STK3: variants seen among roughly 807,000 people sequenced by gnomAD.
STK3 encodes serine/threonine kinase 3.
In STK3, 41 loss-of-function variants were observed where a neutral mutation model predicts 58.0. The ratio of observed to expected loss-of-function variants is 0.71; its 90% CI spans 0.55 to 0.92. STK3 has a LOEUF of 0.92. STK3 is among the 40% of genes least tolerant of loss of function. The pLI, the probability that STK3 is intolerant of heterozygous loss-of-function variation, is 0.00. For missense variants in STK3, 479 were observed against 602.7 expected (o/e 0.79, Z 2.15); for synonymous variants, 170 against 191.0 (o/e 0.89, Z 0.91).
chr8:98,513,220 C>T lies in STK3; in HGVS notation c.1317+13522G>A, dbSNP rs192986060. Among the ~76,000 whole-genome samples the T allele has an allele frequency of 1.7e-3, 256 of 152,200 alleles. 2 individuals are homozygous for T. Among genetic ancestry groups the T allele is most frequent in the African/African-American group, 5.8e-3 (240 of 41,538 alleles). ...GAAGACAGCCACCAACCAAATGGGG[C>T]CAAATCGCCAACCTTGAGTTTACTC... On this transcript the variant is annotated intron_variant, in intron 10 of 10. Transcript: ENST00000419617.
At chr8:98,744,463 C>A (rs1181184706) in intron 4 of STK3, among the ~76,000 whole-genome samples, 1 of 151,366 alleles carries the variant, frequency 6.6e-6, no homozygotes, top group Non-Finnish European at 1.5e-5. Context: ...TCATCATTCT[C>A]AGTAAAGTAT....
chr8:98,414,969 C>T (rs544240841), intron 3 of STK3, among the ~76,000 whole-genome samples: 4 of 152,220 alleles, frequency 2.6e-5, no homozygotes, highest in South Asian at 2.1e-4. Context: ...TGAATTTGTC[C>T]CCCAAAATTC....
chr8:98,933,804 T>A (rs1023778530), intron 1 of STK3, among the ~76,000 whole-genome samples: 2 of 152,122 alleles, frequency 1.3e-5, no homozygotes, highest in Admixed American at 1.3e-4. Flanking sequence ...CCACCCTCCT[T>A]CCATACCTAT....
At chr8:98,823,689 GTTGTTTTTGTT>G (rs1835058253) in intron 1 of STK3, among the ~76,000 whole-genome samples, 3 of 152,124 alleles carry the variant, frequency 2.0e-5, no homozygotes, top group South Asian at 2.1e-4. Context: ...ATTATCTTTT[GTTGTTTTTGTT>G]TTGTTTTTGT....
intron 1 of STK3, chr8:98,889,888 T>C (rs1220256292): frequency 6.6e-6 from 1 of 152,234 alleles, no homozygotes; most frequent in Non-Finnish European, 1.5e-5. Flanking sequence ...ATTATCTACA[T>C]GGTCAATTCC....
intron 6 of STK3, among the ~76,000 whole-genome samples, chr8:98,666,525 C>T (rs946655020): frequency 6.6e-6 from 1 of 152,058 alleles, no homozygotes; most frequent in African/African-American, 2.4e-5. Flanking sequence ...TTTCTTAATA[C>T]ACAAGGCAAA....
chr8:98,636,003 C>T (rs1174620443), intron 6 of STK3, among the ~76,000 whole-genome samples: 1 of 152,028 alleles, frequency 6.6e-6, no homozygotes, highest in Non-Finnish European at 1.5e-5. Context: ...TTTTTTTATG[C>T]TTTCCCTAAT....
At chr8:98,731,293 G>A (rs992625969) in intron 4 of STK3, among the ~76,000 whole-genome samples, 8 of 152,060 alleles carry the variant, frequency 5.3e-5, no homozygotes, top group African/African-American at 1.9e-4. Flanking sequence ...TTTCACGGAA[G>A]CTGTAAAGAA....
chr8:98,655,606 C>G (rs1348712787), intron 6 of STK3, among the ~76,000 whole-genome samples: 2 of 151,454 alleles, frequency 1.3e-5, no homozygotes, highest in East Asian at 3.9e-4. Flanking sequence ...GGCTAATATC[C>G]AGAATCTATA....
At chr8:98,920,137 C>A (rs1839500664) in intron 1 of STK3, among the ~76,000 whole-genome samples, 1 of 152,182 alleles carries the variant, frequency 6.6e-6, no homozygotes, top group African/African-American at 2.4e-5. Flanking sequence ...CCCAGGCCAG[C>A]CCTGCTCATA....
intron 1 of STK3, among the ~76,000 whole-genome samples, chr8:98,784,402 A>G (rs1315122675): frequency 8.5e-5 from 13 of 152,216 alleles, no homozygotes; most frequent in Admixed American, 8.5e-4. Context: ...CTGGACAACC[A>G]GACTTCAAGC....
At chr8:98,863,976 C>G (rs1329750152) in intron 3 of STK3, among the ~76,000 whole-genome samples, 1 of 151,944 alleles carries the variant, frequency 6.6e-6, no homozygotes, top group Admixed American at 6.6e-5. Flanking sequence ...GCAGGCAGAT[C>G]ACGAGGTCAG....
At chr8:98,841,816 T>C (rs1204138732) in intron 3 of STK3, among the ~76,000 whole-genome samples, 1 of 151,860 alleles carries the variant, frequency 6.6e-6, no homozygotes, top group Non-Finnish European at 1.5e-5. Context: ...TACTGCAGAC[T>C]ATAAGAAAAA....
intron 4 of STK3, among the ~76,000 whole-genome samples, chr8:98,725,410 G>A (rs990887010): frequency 7.9e-5 from 12 of 152,142 alleles, no homozygotes; most frequent in African/African-American, 1.9e-4. Context: ...CAATGTGCTC[G>A]TGTTATGTTT....
intron 3 of STK3, among the ~76,000 whole-genome samples, chr8:98,845,343 G>C (rs1402469825): frequency 6.6e-6 from 1 of 152,062 alleles, no homozygotes; most frequent in Non-Finnish European, 1.5e-5. Context: ...AAATTCTTAA[G>C]TTTTGACGAG....
At chr8:98,814,747 T>C (rs1332731444) in intron 1 of STK3, among the ~76,000 whole-genome samples, 4 of 152,076 alleles carry the variant, frequency 2.6e-5, no homozygotes, top group Non-Finnish European at 4.4e-5. Context: ...TGCGGTGGCA[T>C]GATCATCGCT....
At chr8:98,521,934 C>T (rs1825395177) in intron 10 of STK3, among the ~76,000 whole-genome samples, 1 of 152,184 alleles carries the variant, frequency 6.6e-6, no homozygotes, top group Non-Finnish European at 1.5e-5. Flanking sequence ...AGTTATTGTT[C>T]TGGATTACAA....
At chr8:98,838,275 A>T (rs1835823364) in intron 3 of STK3, among the ~76,000 whole-genome samples, 1 of 152,080 alleles carries the variant, frequency 6.6e-6, no homozygotes, top group Non-Finnish European at 1.5e-5. Flanking sequence ...TAAGAAACCT[A>T]AACTCTATAA....
chr8:98,474,284 A>G (rs1012963868), intron 10 of STK3, among the ~76,000 whole-genome samples: 1 of 152,164 alleles, frequency 6.6e-6, no homozygotes, highest in African/African-American at 2.4e-5. Context: ...CTCTCCATAC[A>G]GCAGCCAGAA....
Sources: gnomAD v4.1 joint callset for allele counts (sites outside exome capture counted in the v4.1 genomes callset) on GRCh38, gnomAD v4.1.1 for gene constraint, MANE v1.5 for transcripts, NCBI Gene and HGNC (gene_info 2026-07-23, HGNC 2026-07-21) for gene names.